CCDC102B: variants seen among roughly 807,000 people sequenced by gnomAD.
CCDC102B encodes the protein coiled-coil domain-containing protein 102B.
Under a neutral mutation model 57.4 loss-of-function variants are expected in CCDC102B, and 75 were observed. That is an observed-to-expected ratio of 1.31 (90% CI 1.08 to 1.58). The LOEUF (loss-of-function observed/expected upper bound fraction) is 1.58, where lower values mean the gene tolerates loss of function less well. Among genes scored for constraint, CCDC102B ranks in the 40% most tolerant of loss-of-function variants. CCDC102B has a pLI of 0.00. For synonymous variants in CCDC102B, 206 were observed against 201.9 expected, an observed-to-expected ratio of 1.02 and a Z score of -0.17; for missense variants, 636 against 582.6, an observed-to-expected ratio of 1.09 and a Z score of -0.94.
At chr18:69,039,255 G>A in intron 7 of CCDC102B, among the ~76,000 whole-genome samples, 1 of 151,932 alleles carries the variant, frequency 6.6e-6, no homozygotes, top group Non-Finnish European at 1.5e-5. Flanking sequence ...TCTGTGTGCA[G>A]TTGCAGAGCT....
chr18:68,942,567 A>T (rs990264249), intron 6 of CCDC102B, among the ~76,000 whole-genome samples: 35 of 152,120 alleles, frequency 2.3e-4, no homozygotes, highest in Non-Finnish European at 4.3e-4. Context: ...AAGGTAAAGA[A>T]AAAAATGCTG....
intron 2 of CCDC102B, chr18:68,753,891 A>T (rs931537240): frequency 1.3e-5 from 2 of 152,100 alleles, no homozygotes; most frequent in South Asian, 2.1e-4. Flanking sequence ...ATTTATATTA[A>T]TATATACATA....
intron 5 of CCDC102B, among the ~76,000 whole-genome samples, chr18:68,887,125 G>C (rs1245713817): frequency 1.3e-5 from 2 of 152,066 alleles, no homozygotes; most frequent in East Asian, 1.9e-4. Flanking sequence ...AGGTTGAGTA[G>C]AAACAGTTGT....
chr18:68,862,982 T>C (rs1049755748), intron 4 of CCDC102B, among the ~76,000 whole-genome samples: 2 of 151,910 alleles, frequency 1.3e-5, no homozygotes, highest in Non-Finnish European at 2.9e-5. Context: ...TCTCAAAACA[T>C]AGAGACTTAC....
At chr18:68,894,329 C>CT (rs761450179) in intron 5 of CCDC102B, among the ~76,000 whole-genome samples, 1 of 152,102 alleles carries the variant, frequency 6.6e-6, no homozygotes, top group Non-Finnish European at 1.5e-5. Flanking sequence ...AAAGAATGTA[C>CT]TTTTACATTA....
At chr18:68,846,639 G>C (rs2037876718) in intron 4 of CCDC102B, among the ~76,000 whole-genome samples, 1 of 140,460 alleles carries the variant, frequency 7.1e-6, no homozygotes, top group East Asian at 1.9e-4. Context: ...ATTTGTGTCA[G>C]TTTTATATTG....
chr18:69,048,369 T>A (rs2052617902), intron 7 of CCDC102B, among the ~76,000 whole-genome samples: 1 of 152,072 alleles, frequency 6.6e-6, no homozygotes, highest in Non-Finnish European at 1.5e-5. Context: ...AATGAAAATC[T>A]TTCTAAAAAT....
intron 7 of CCDC102B, among the ~76,000 whole-genome samples, chr18:69,051,491 C>G (rs2052704302): frequency 6.6e-6 from 1 of 151,798 alleles, no homozygotes; most frequent in Non-Finnish European, 1.5e-5. Flanking sequence ...TAATGAAACT[C>G]CAGGTTAAAT....
chr18:68,789,805 C>T (rs1305498250), intron 2 of CCDC102B, among the ~76,000 whole-genome samples: 2 of 149,660 alleles, frequency 1.3e-5, no homozygotes, highest in East Asian at 3.9e-4. Context: ...GTAATTTGAT[C>T]GTCTGAAGCC....
At chr18:68,956,724 G>C (rs1326432742) in intron 6 of CCDC102B, among the ~76,000 whole-genome samples, 1 of 147,182 alleles carries the variant, frequency 6.8e-6, no homozygotes, top group Non-Finnish European at 1.5e-5. Flanking sequence ...CACAGTGGTA[G>C]TACTAATTTA....
At position 68,838,760 on chromosome 18, in the gene CCDC102B, C is replaced by T; in HGVS notation, c.661C>T (p.Leu221=). 6.2e-7 allele frequency: 1 copy of T among 1,613,972 alleles called. No individual in the cohort carries two copies. Among genetic ancestry groups the T allele is most frequent in the Non-Finnish European group, 8.5e-7 (1 of 1,179,936 alleles). The change falls in exon 3 of 8, where the codon CTA becomes TTA. Residue 221 remains leucine (L), a synonymous_variant. Transcript: ENST00000360242. ...LKLSEEMKPN[L]DGVDLFNNGG... ...ATTAAGTGAGGAGATGAAGCCCAAT[C>T]TAGATGGTGTTGATTTATTCAACAA... is the stretch of plus-strand genomic sequence containing the variant.
In CCDC102B at chr18:68,810,148, A is replaced by G. The variant is rs1023620877; in HGVS notation, c.-16+11967A>G. On this transcript the variant is annotated intron_variant, in intron 1 of 7. Transcript: ENST00000360242. ...TAATCTTTAAATAGAGTGCATATGTACAACAGATGCTGTTTTAAAAACTAC... is the reference window on the plus strand; with the variant it reads ...TAATCTTTAAATAGAGTGCATATGTGCAACAGATGCTGTTTTAAAAACTAC... Among the ~76,000 whole-genome samples, 17 of 152,236 alleles carry G rather than the reference A, an allele frequency of 1.1e-4. No individual in the cohort carries two copies. The South Asian group carries it at 2.1e-3, about 19-fold the overall frequency.
intron 6 of CCDC102B, among the ~76,000 whole-genome samples, chr18:68,951,309 C>T (rs930104604): frequency 2.6e-5 from 4 of 152,138 alleles, no homozygotes; most frequent in Non-Finnish European, 5.9e-5. Flanking sequence ...CCGAGTCCAT[C>T]TCAAGAAATA....
At chr18:68,767,128 T>C (rs1036026495) in intron 2 of CCDC102B, among the ~76,000 whole-genome samples, 2 of 152,220 alleles carry the variant, frequency 1.3e-5, no homozygotes, top group Non-Finnish European at 2.9e-5. Flanking sequence ...AAATTCACTG[T>C]TATGTAGAAC....
At chr18:68,878,146 G>C (rs559075074) in intron 5 of CCDC102B, among the ~76,000 whole-genome samples, 2 of 152,260 alleles carry the variant, frequency 1.3e-5, no homozygotes, top group South Asian at 2.1e-4. Flanking sequence ...ACCTAAGCTG[G>C]ATTGCAGTGG....
chr18:68,911,357 T>G (rs2040839369), intron 6 of CCDC102B, among the ~76,000 whole-genome samples: 1 of 152,202 alleles, frequency 6.6e-6, no homozygotes, highest in Non-Finnish European at 1.5e-5. Flanking sequence ...TAAAGCATGT[T>G]CTCACTTACA....
intron 2 of CCDC102B, among the ~76,000 whole-genome samples, chr18:68,769,278 C>T (rs1029504660): frequency 2.6e-5 from 4 of 150,984 alleles, no homozygotes; most frequent in South Asian, 2.1e-4. Flanking sequence ...AAGATTGAAT[C>T]GATGGGTAAA....
intron 2 of CCDC102B, among the ~76,000 whole-genome samples, chr18:68,744,065 C>A (rs1313307835): frequency 6.6e-6 from 1 of 152,042 alleles, no homozygotes; most frequent in Non-Finnish European, 1.5e-5. Context: ...GAGACTATAT[C>A]CAACATATGG....
chr18:68,941,874 A>G (rs2049389159), intron 6 of CCDC102B, among the ~76,000 whole-genome samples: 1 of 152,046 alleles, frequency 6.6e-6, no homozygotes, highest in Non-Finnish European at 1.5e-5. Context: ...CCTTTATGTA[A>G]TGTGTCTTAA....
Sources: gnomAD v4.1 joint callset for allele counts (sites outside exome capture counted in the v4.1 genomes callset) on GRCh38, gnomAD v4.1.1 for gene constraint, MANE v1.5 for transcripts, NCBI Gene and HGNC (gene_info 2026-07-23, HGNC 2026-07-21) for gene names.